The following TXNL4A variants were observed in gnomAD, a reference collection of about 807,000 sequenced individuals.
TXNL4A encodes thioredoxin-like protein 4A.
In TXNL4A, 17 loss-of-function variants were observed where a neutral mutation model predicts 14.6. That is an observed-to-expected ratio of 1.16 (90% confidence interval 0.80 to 1.74). The LOEUF is 1.74. TXNL4A is among the 40% of genes most tolerant of loss of function. The pLI, the probability that TXNL4A is intolerant of heterozygous loss-of-function variation, is 0.00. For missense variants in TXNL4A, 74 were observed against 195.2 expected, an observed-to-expected ratio of 0.38 and a Z score of 3.70; for synonymous variants, 83 against 70.6, an observed-to-expected ratio of 1.18 and a Z score of -0.88.
chr18:80,027,147 TA>T (rs2051889907), intron 1 of TXNL4A, among the ~76,000 whole-genome samples: 1 of 152,010 alleles, frequency 6.6e-6, no homozygotes, highest in Non-Finnish European at 1.5e-5. Context: ...GCCATTCCCA[TA>T]AAGGTAGAGA....
At chr18:80,007,275 C>T (rs559842410) in intron 1 of TXNL4A, among the ~76,000 whole-genome samples, 2 of 152,304 alleles carry the variant, frequency 1.3e-5, no homozygotes, top group East Asian at 1.9e-4. Context: ...CGGCAAGCTA[C>T]TGTCTCAAAA....
chr18:80,028,680 C>T (rs1222856023), intron 1 of TXNL4A, among the ~76,000 whole-genome samples: 1 of 152,204 alleles, frequency 6.6e-6, no homozygotes, highest in Non-Finnish European at 1.5e-5. Flanking sequence ...CAGATCATCT[C>T]AAGTGGCCGA....
At chr18:79,996,125 A>C (rs1037907029) in intron 1 of TXNL4A, among the ~76,000 whole-genome samples, 3 of 150,794 alleles carry the variant, frequency 2.0e-5, no homozygotes, top group Admixed American at 6.6e-5. Flanking sequence ...AAAAAAAAAA[A>C]AACGGCCAGG....
At chr18:80,029,560 C>T (rs911327302) in intron 1 of TXNL4A, among the ~76,000 whole-genome samples, 1 of 152,222 alleles carries the variant, frequency 6.6e-6, no homozygotes, top group Non-Finnish European at 1.5e-5. Context: ...GGGGAACTCA[C>T]TTTACTGGCC....
chr18:80,008,880 C>T (rs9807637), intron 1 of TXNL4A, among the ~76,000 whole-genome samples: 113,867 of 152,154 alleles, frequency 0.75, 43,640 homozygotes, highest in East Asian at 0.91. Flanking sequence ...TGAGTTCAAG[C>T]GATTCTTCTG....
rs2051473888 is a variant in TXNL4A at position 79,982,143 on chromosome 18, A to T, written c.154-4442T>A. Among the ~76,000 whole-genome samples, 2 of 152,238 alleles carry T rather than the reference A, an allele frequency of 1.3e-5. No homozygotes were observed. Among genetic ancestry groups the T allele is most frequent in the Middle Eastern group, 3.4e-3 (1 of 294 alleles). ...GGGTGGCAGGGAAATATCTGTCCTTAGAGAATTCCATGTGTAAAGAGAAAG... is the reference window on the plus strand; with the variant it reads ...GGGTGGCAGGGAAATATCTGTCCTTTGAGAATTCCATGTGTAAAGAGAAAG... On this transcript the variant is annotated intron_variant, in intron 1 of 2. Transcript: ENST00000269601. This position sits in a 1 kb window ranked among gnomAD's most constrained non-coding sequence, Gnocchi z 4.0.
chr18:79,973,349 G>C lies in TXNL4A; in HGVS notation c.*336C>G, dbSNP rs1404203476. ...ACATCTCTGTTAAAGCCCAGCTCGC[G>C]GCATATGCTGTCACCGCAGCCCCAG... On this transcript the variant is annotated 3_prime_UTR_variant, in exon 3 of 3. Coordinates refer to ENST00000269601, the MANE Select transcript of TXNL4A (RefSeq NM_006701.5). 1.4e-5 allele frequency: 3 copies of C among 215,548 alleles called. No homozygotes were observed. Among genetic ancestry groups the C allele is most frequent in the African/African-American group, 6.9e-5 (3 of 43,640 alleles). The allele number at this position is 215,548 out of a possible 1,614,324, so 13.4% of individuals were successfully genotyped here. A position where few individuals can be genotyped will look rare whatever the true frequency, so the allele number is the denominator to read the frequency against.
At chr18:79,981,313 T>G (rs529798125) in intron 1 of TXNL4A, among the ~76,000 whole-genome samples, 21 of 152,356 alleles carry the variant, frequency 1.4e-4, no homozygotes, top group Non-Finnish European at 2.6e-4. Context: ...TCCCTTTTCT[T>G]GCACGTAAAA....
intron 1 of TXNL4A, among the ~76,000 whole-genome samples, chr18:80,023,835 G>C (rs116124050): frequency 2.3e-4 from 35 of 152,274 alleles, no homozygotes; most frequent in African/African-American, 8.4e-4. Context: ...AGTATTCTGT[G>C]CTTCTCAATA....
At position 79,977,569 on chromosome 18, in the gene TXNL4A, A is replaced by C; in HGVS notation, c.257+29T>G. 2.0e-6 allele frequency: 3 copies of C among 1,485,476 alleles called. No individual in the cohort carries two copies. In the Middle Eastern group the frequency reaches 5.1e-4, roughly 255 times the overall value. 92.0% of individuals were successfully genotyped at this position (1,485,476 alleles called of 1,614,324 possible). ...TAAGCTTCCAAACTGACAATATTCA[A>C]TTTCAGTAACAACTTTAAGATAACG... On this transcript the variant is annotated intron_variant, in intron 2 of 2. Coordinates refer to ENST00000269601, the MANE Select transcript of TXNL4A (RefSeq NM_006701.5).
chr18:80,030,659 T>C (rs927382105), intron 1 of TXNL4A: 3 of 152,158 alleles, frequency 2.0e-5, no homozygotes, highest in Admixed American at 1.3e-4. Flanking sequence ...ACAATATATA[T>C]AGTTGGCCCA....
At chr18:80,005,655 C>A (rs1163769160) in intron 1 of TXNL4A, among the ~76,000 whole-genome samples, 1 of 152,224 alleles carries the variant, frequency 6.6e-6, no homozygotes, top group Non-Finnish European at 1.5e-5. Context: ...TGGCTCACAT[C>A]TGTAATCCCA....
rs1177250492 is a variant in TXNL4A, at chr18:79,993,727, C to G, written c.-60-16026G>C. On this transcript the variant is annotated intron_variant, in intron 1 of 2. Coordinates refer to the TXNL4A transcript ENST00000585474. The surrounding 1 kb of genome is among the most constrained non-coding windows in gnomAD (Gnocchi z 4.4). ...AAAGAAATAAGAGCACTTTACTCCC[C>G]TCAGCCTTTCGGGGCATTCTTAGGC... Among the ~76,000 whole-genome samples, 1 of 152,142 alleles carries G rather than the reference C, an allele frequency of 6.6e-6. No individual in the cohort carries two copies. The highest frequency in any genetic ancestry group is 1.5e-5 in the Non-Finnish European group (1 of 68,044).
At position 79,971,150 on chromosome 18, in the gene TXNL4A, TTC is replaced by T. The variant is rs1237754010; in HGVS notation, c.*2533_*2534del. The T allele has an allele frequency of 7.2e-5, 11 of 152,748 alleles. No individual in the cohort carries two copies. The highest frequency in any genetic ancestry group is 2.6e-4 in the African/African-American group (11 of 41,586). 9.5% of individuals were successfully genotyped at this position (152,748 alleles called of 1,614,324 possible). The stretch of plus-strand genomic sequence containing the variant: ...CTGGCTTTTCACTTACAGTACTTCA[TTC>T]TGTTTATGACTGAATAATATTCCGT... On this transcript the variant is annotated 3_prime_UTR_variant, in exon 3 of 3. Coordinates refer to ENST00000269601, the MANE Select transcript of TXNL4A (RefSeq NM_006701.5).
chr18:80,023,390 T>C (rs997747731), intron 1 of TXNL4A, among the ~76,000 whole-genome samples: 2 of 151,998 alleles, frequency 1.3e-5, no homozygotes, highest in Non-Finnish European at 2.9e-5. Flanking sequence ...TGGAGAAAAA[T>C]CCTATTCCAC....
intron 1 of TXNL4A, chr18:79,985,727 G>C (rs951628296): frequency 6.6e-6 from 1 of 152,162 alleles, no homozygotes; most frequent in Non-Finnish European, 1.5e-5. Context: ...TGTGGAAGCA[G>C]CAAATCAATA....
At chr18:80,003,853 C>T (rs916612760) in intron 1 of TXNL4A, among the ~76,000 whole-genome samples, 4 of 152,164 alleles carry the variant, frequency 2.6e-5, no homozygotes, top group African/African-American at 9.7e-5. Flanking sequence ...TGAATGCAAG[C>T]AGGGCAAATG....
intron 1 of TXNL4A, among the ~76,000 whole-genome samples, chr18:79,996,885 G>A (rs183985317): frequency 1.3e-5 from 2 of 152,354 alleles, no homozygotes; most frequent in Admixed American, 6.5e-5. Context: ...GGAGGTTGCA[G>A]TGAGCCAAGA....
intron 1 of TXNL4A, among the ~76,000 whole-genome samples, chr18:80,000,485 G>A (rs1007069493): frequency 6.6e-6 from 1 of 152,194 alleles, no homozygotes; most frequent in African/African-American, 2.4e-5. Flanking sequence ...GCATTCAAGA[G>A]GTGGCTTGGG....
Sources: allele counts gnomAD v4.1 joint callset (sites outside exome capture counted in the v4.1 genomes callset), GRCh38; gene constraint gnomAD v4.1.1; non-coding constraint Gnocchi (gnomAD v3.1); transcripts MANE v1.5; gene names NCBI Gene and HGNC (gene_info 2026-07-23, HGNC 2026-07-21).